The following EPHA6 variants were observed in gnomAD, a reference collection of about 807,000 sequenced individuals.
EPHA6 encodes the protein EPH receptor A6.
In EPHA6, 50 loss-of-function variants were observed where a neutral mutation model predicts 112.0. The observed-to-expected ratio is 0.45, with a 90% CI of 0.36 to 0.56. The LOEUF is 0.56. Ranked by LOEUF, EPHA6 falls within the 20% of genes least tolerant of loss-of-function variation. The probability of loss-of-function intolerance (pLI) is 0.00; values close to 1 mark genes in which losing one functional copy is unlikely to be tolerated. For synonymous variants in EPHA6, 529 were observed against 490.7 expected, an observed-to-expected ratio of 1.08 and a Z score of -1.03; for missense variants, 1,280 against 1,417.4, an observed-to-expected ratio of 0.90 and a Z score of 1.56.
intron 10 of EPHA6, among the ~76,000 whole-genome samples, chr3:97,531,393 CTCTACTGTT>C (rs2092693162): frequency 1.3e-5 from 2 of 152,082 alleles, no homozygotes; most frequent in South Asian, 4.1e-4. Context: ...ATGTCATTCT[CTCTACTGTT>C]TCTGGAACTT....
At chr3:97,731,442 C>T (rs944407574) in intron 15 of EPHA6, among the ~76,000 whole-genome samples, 1 of 151,964 alleles carries the variant, frequency 6.6e-6, no homozygotes, top group African/African-American at 2.4e-5. Context: ...AGTGAAAGCA[C>T]GGAGTATATA....
At position 96,981,180 on chromosome 3, in the gene EPHA6, A is replaced by G. The variant is rs10782618; in HGVS notation, c.451-6150A>G. Among the ~76,000 whole-genome samples, 1,291 of 152,126 alleles carry G rather than the reference A, an allele frequency of 8.5e-3. 14 individuals are homozygous for G. Among genetic ancestry groups the G allele is most frequent in the African/African-American group, 0.022 (913 of 41,514 alleles). Reference sequence around the variant, plus strand: ...TTGCCCATTCAGTATGATATTGGCTATGGGTTTGTCATAAATAGCTCTTAT... The same window carrying G: ...TTGCCCATTCAGTATGATATTGGCTGTGGGTTTGTCATAAATAGCTCTTAT... On this transcript the variant is annotated intron_variant, in intron 2 of 17. Transcript: ENST00000389672.
chr3:97,190,942 T>G (rs1054866772), intron 3 of EPHA6, among the ~76,000 whole-genome samples: 3 of 152,126 alleles, frequency 2.0e-5, no homozygotes, highest in Non-Finnish European at 4.4e-5. Context: ...TGAGAATAAT[T>G]ATTATAGTTA....
chr3:97,410,166 A>G lies in EPHA6; in HGVS notation c.1731+4892A>G, dbSNP rs1330481299. ...ACTCCTCAATATCACACTTTGCACA[A>G]TAAGTCTTTTTTCTTCCTCCGTAAT... On this transcript the variant is annotated intron_variant, in intron 6 of 17. Coordinates refer to ENST00000389672, the MANE Select transcript of EPHA6 (RefSeq NM_001080448.3). Among the ~76,000 whole-genome samples the G allele has an allele frequency of 3.3e-5, 5 of 152,078 alleles. No individual in the cohort carries two copies. In the East Asian group the frequency reaches 7.7e-4, roughly 23 times the overall value.
At chr3:97,431,410 T>C (rs1261369282) in intron 6 of EPHA6, among the ~76,000 whole-genome samples, 1 of 152,136 alleles carries the variant, frequency 6.6e-6, no homozygotes. Context: ...CATGGTTGAA[T>C]AGAATATAAA....
At chr3:97,172,134 T>G (rs2076720792) in intron 3 of EPHA6, among the ~76,000 whole-genome samples, 1 of 152,012 alleles carries the variant, frequency 6.6e-6, no homozygotes, top group African/African-American at 2.4e-5. Flanking sequence ...ATATATAGAC[T>G]GATGTTTTGA....
chr3:97,577,566 C>T (rs1257952009), intron 11 of EPHA6, among the ~76,000 whole-genome samples: 1 of 152,046 alleles, frequency 6.6e-6, no homozygotes, highest in African/African-American at 2.4e-5. Flanking sequence ...TTTTTATGCT[C>T]TTTAGTGTTA....
intron 1 of EPHA6, among the ~76,000 whole-genome samples, chr3:96,822,843 G>A (rs1314191313): frequency 6.6e-6 from 1 of 151,188 alleles, no homozygotes; most frequent in African/African-American, 2.4e-5. Context: ...CTTAGGTAGT[G>A]TATAGAGTAT....
At chr3:97,692,724 GT>G (rs1257132813) in intron 14 of EPHA6, among the ~76,000 whole-genome samples, 1 of 152,134 alleles carries the variant, frequency 6.6e-6, no homozygotes, top group Non-Finnish European at 1.5e-5. Context: ...GAAACATTAT[GT>G]TTTTCATTCA....
chr3:97,214,188 G>T (rs1313601830), intron 3 of EPHA6, among the ~76,000 whole-genome samples: 2 of 151,964 alleles, frequency 1.3e-5, no homozygotes, highest in African/African-American at 4.8e-5. Flanking sequence ...CCAGGTGCCT[G>T]CCACCATGCC....
intron 2 of EPHA6, among the ~76,000 whole-genome samples, chr3:96,884,909 T>C (rs2037536693): frequency 6.6e-6 from 1 of 152,192 alleles, no homozygotes; most frequent in African/African-American, 2.4e-5. Flanking sequence ...TGTATGCCAA[T>C]TTTGCTGAAA....
intron 2 of EPHA6, among the ~76,000 whole-genome samples, chr3:96,940,421 C>G (rs2040869147): frequency 6.6e-6 from 1 of 151,902 alleles, no homozygotes; most frequent in Non-Finnish European, 1.5e-5. Context: ...GGATTGCAAC[C>G]CCTGCCTTTT....
At chr3:97,227,233 T>G (rs1242613090) in intron 4 of EPHA6, among the ~76,000 whole-genome samples, 1 of 151,992 alleles carries the variant, frequency 6.6e-6, no homozygotes, top group Admixed American at 6.6e-5. Flanking sequence ...TTTTTTTTTT[T>G]TTTCGAGACA....
chr3:96,903,392 T>C (rs2038728750), intron 2 of EPHA6, among the ~76,000 whole-genome samples: 1 of 152,184 alleles, frequency 6.6e-6, no homozygotes, highest in African/African-American at 2.4e-5. Flanking sequence ...GGTTCATATG[T>C]TATATTTTCT....
At chr3:97,356,329 C>T (rs138063695) in intron 5 of EPHA6, among the ~76,000 whole-genome samples, 4 of 152,246 alleles carry the variant, frequency 2.6e-5, no homozygotes, top group African/African-American at 7.2e-5. Context: ...TTATGTATTA[C>T]AATGCAATAT....
intron 1 of EPHA6, among the ~76,000 whole-genome samples, chr3:96,856,003 A>T (rs2035675131): frequency 6.6e-6 from 1 of 152,062 alleles, no homozygotes; most frequent in Admixed American, 6.6e-5. Flanking sequence ...GGTCAAGGCT[A>T]AGGTGGCTCA....
intron 6 of EPHA6, among the ~76,000 whole-genome samples, chr3:97,417,387 C>A (rs975722358): frequency 1.3e-5 from 2 of 151,992 alleles, no homozygotes; most frequent in African/African-American, 4.8e-5. Context: ...TGAACGATTT[C>A]TTACTCCTGA....
chr3:97,538,918 G>A (rs1351382413), intron 11 of EPHA6, among the ~76,000 whole-genome samples: 1 of 152,084 alleles, frequency 6.6e-6, no homozygotes, highest in Non-Finnish European at 1.5e-5. Flanking sequence ...GCATTTTTCA[G>A]TTAATCATTA....
intron 5 of EPHA6, among the ~76,000 whole-genome samples, chr3:97,401,261 A>C (rs1483059997): frequency 6.6e-6 from 1 of 151,700 alleles, no homozygotes; most frequent in Non-Finnish European, 1.5e-5. Flanking sequence ...TAAATGAATT[A>C]ATTTGGTGAA....
Sources: allele counts gnomAD v4.1 joint callset (sites outside exome capture counted in the v4.1 genomes callset), GRCh38; gene constraint gnomAD v4.1.1; transcripts MANE v1.5; gene names NCBI Gene and HGNC (gene_info 2026-07-23, HGNC 2026-07-21).